The following STXBP5L variants were observed in gnomAD, a reference collection of about 807,000 sequenced individuals.
STXBP5L encodes the protein syntaxin binding protein 5L.
STXBP5L carries 65 observed loss-of-function variants against 144.5 expected under a neutral mutation model. The observed-to-expected ratio is 0.45, with a 90% CI of 0.37 to 0.55. The LOEUF is 0.55. STXBP5L is among the 20% of genes least tolerant of loss of function. The pLI is 0.00. For synonymous variants in STXBP5L, 505 were observed against 469.6 expected, an observed-to-expected ratio of 1.08 and a Z score of -0.97; for missense variants, 1,298 against 1,405.5, an observed-to-expected ratio of 0.92 and a Z score of 1.22.
chr3:120,963,565 G>T (rs1032326568), intron 3 of STXBP5L, among the ~76,000 whole-genome samples: 1 of 152,070 alleles, frequency 6.6e-6, no homozygotes, highest in Non-Finnish European at 1.5e-5. Context: ...TTTATTTGAT[G>T]GATTATGTTT....
chr3:121,071,414 C>T (rs9825058), intron 5 of STXBP5L, among the ~76,000 whole-genome samples: 15,046 of 152,198 alleles, frequency 0.099, 1,174 homozygotes, highest in Admixed American at 0.2. Flanking sequence ...CATGGACCGA[C>T]CAGCCTCTGG....
chr3:121,019,454 G>A (rs575438666), intron 3 of STXBP5L, among the ~76,000 whole-genome samples: 2 of 152,294 alleles, frequency 1.3e-5, no homozygotes, highest in East Asian at 1.9e-4. Flanking sequence ...ATGGCTGGAG[G>A]CCAACCAACA....
chr3:121,095,275 C>A (rs1309799955), intron 5 of STXBP5L, among the ~76,000 whole-genome samples: 1 of 152,134 alleles, frequency 6.6e-6, no homozygotes, highest in South Asian at 2.1e-4. Flanking sequence ...TGGAGTTGCT[C>A]TTCTCGAGGA....
Position 121,279,872 on chromosome 3 carries a change from A to G in STXBP5L, c.2026A>G (p.Met676Val). The change falls in exon 19 of 27, where the codon ATG (methionine) becomes GTG (valine). Residue 676 changes from methionine to valine, a missense_variant. By Grantham distance (21) the Met-to-Val change is conservative (BLOSUM62 1). Coordinates refer to ENST00000471454, the MANE Select transcript of STXBP5L (RefSeq NM_001308330.2). ...TATACAGAAGACAGTACTGTTAAGC[A>G]TGGGGACCATTGACCTATATAGATC... ...DFIQKTVLLSMGTIDLYRSSD... is the reference protein window; with the variant it reads ...DFIQKTVLLSVGTIDLYRSSD... 1 of 1,612,714 alleles carries G rather than the reference A, an allele frequency of 6.2e-7. No individual in the cohort carries two copies. Among genetic ancestry groups the G allele is most frequent in the Non-Finnish European group, 8.5e-7 (1 of 1,179,002 alleles).
chr3:121,028,224 G>T (rs1023654882), intron 3 of STXBP5L, among the ~76,000 whole-genome samples: 1 of 152,002 alleles, frequency 6.6e-6, no homozygotes, highest in Non-Finnish European at 1.5e-5. Context: ...GAAGTATTAA[G>T]TGGATTGTTT....
intron 3 of STXBP5L, among the ~76,000 whole-genome samples, chr3:120,956,013 A>G (rs1363015719): frequency 6.6e-6 from 1 of 151,954 alleles, no homozygotes; most frequent in Non-Finnish European, 1.5e-5. Flanking sequence ...CATGGTATAG[A>G]TGTACCACAG....
chr3:121,060,676 C>T (rs1012726382), intron 5 of STXBP5L, among the ~76,000 whole-genome samples: 1 of 152,126 alleles, frequency 6.6e-6, no homozygotes, highest in Non-Finnish European at 1.5e-5. Flanking sequence ...TTCAGGGATT[C>T]GACTTCTTCC....
chr3:121,180,154 A>AGATG (rs2047086586), intron 9 of STXBP5L, among the ~76,000 whole-genome samples: 1 of 152,206 alleles, frequency 6.6e-6, no homozygotes, highest in Admixed American at 6.5e-5. Context: ...TCCAAAGTCA[A>AGATG]GATGAAGGAA....
intron 20 of STXBP5L, among the ~76,000 whole-genome samples, chr3:121,344,972 T>G (rs936622730): frequency 6.6e-6 from 1 of 150,444 alleles, no homozygotes; most frequent in East Asian, 1.9e-4. Context: ...TATATATATA[T>G]ACACATTTTT....
intron 3 of STXBP5L, among the ~76,000 whole-genome samples, chr3:120,956,741 G>A (rs1938077084): frequency 6.6e-6 from 1 of 151,760 alleles, no homozygotes; most frequent in Admixed American, 6.6e-5. Flanking sequence ...ATTTTTTGAG[G>A]AACTGTCATT....
At position 121,419,153 on chromosome 3, in the gene STXBP5L, T is replaced by G; in HGVS notation, c.*56T>G. On this transcript the variant is annotated 3_prime_UTR_variant, in exon 27 of 27. Coordinates refer to ENST00000471454, the MANE Select transcript of STXBP5L (RefSeq NM_001308330.2). The stretch of plus-strand genomic sequence containing the variant: ...ACCATATTCAGGGAAACCAAATTTA[T>G]TCCCAGCATCACTACTCAACTGCTA... 1 of 1,546,416 alleles carries G rather than the reference T, an allele frequency of 6.5e-7. No individual in the cohort carries two copies. The highest frequency in any genetic ancestry group is 8.9e-7 in the Non-Finnish European group (1 of 1,129,126).
chr3:121,185,093 C>T (rs1014204197), intron 9 of STXBP5L, among the ~76,000 whole-genome samples: 3 of 152,142 alleles, frequency 2.0e-5, no homozygotes, highest in Non-Finnish European at 4.4e-5. Flanking sequence ...CACTCCTGGC[C>T]ACTGCAAAAA....
At chr3:121,372,035 A>G (rs2046045921) in intron 20 of STXBP5L, among the ~76,000 whole-genome samples, 1 of 152,208 alleles carries the variant, frequency 6.6e-6, no homozygotes, top group Non-Finnish European at 1.5e-5. Flanking sequence ...GGAGGTGGCT[A>G]CGGGTGAGTG....
intron 3 of STXBP5L, among the ~76,000 whole-genome samples, chr3:121,009,328 T>A (rs889052466): frequency 3.9e-5 from 6 of 151,958 alleles, no homozygotes; most frequent in African/African-American, 1.4e-4. Flanking sequence ...TCTCTAATCT[T>A]CCAATTTATT....
chr3:121,214,147 C>A (rs1478218310), intron 10 of STXBP5L, among the ~76,000 whole-genome samples: 1 of 152,002 alleles, frequency 6.6e-6, no homozygotes, highest in African/African-American at 2.4e-5. Flanking sequence ...TTAATCTTTT[C>A]AAAAACCCGC....
At chr3:121,245,198 T>C (rs1432020124) in intron 14 of STXBP5L, among the ~76,000 whole-genome samples, 4 of 151,318 alleles carry the variant, frequency 2.6e-5, no homozygotes, top group Non-Finnish European at 5.9e-5. Flanking sequence ...TGTAAAGGAG[T>C]AGATTTTTTG....
At chr3:121,280,761 AT>A (rs2051031797) in intron 19 of STXBP5L, among the ~76,000 whole-genome samples, 1 of 151,746 alleles carries the variant, frequency 6.6e-6, no homozygotes, top group South Asian at 2.1e-4. Flanking sequence ...ATTAAGTGTT[AT>A]TTTAGACAGT....
At chr3:121,413,905 A>G (rs1355853597) in intron 24 of STXBP5L, among the ~76,000 whole-genome samples, 1 of 152,112 alleles carries the variant, frequency 6.6e-6, no homozygotes, top group African/African-American at 2.4e-5. Context: ...ACTAAAACAT[A>G]TTTATTATAA....
In STXBP5L at chr3:121,252,863, T is replaced by G. The variant is rs189715941; in HGVS notation, c.1442-2032T>G. 4.1e-4 allele frequency among the ~76,000 whole-genome samples: 62 copies of G among 152,346 alleles called. 1 individual carries two copies. The highest frequency in any genetic ancestry group is 1.4e-3 in the African/African-American group (57 of 41,582). On this transcript the variant is annotated intron_variant, in intron 15 of 26. Coordinates refer to ENST00000471454, the MANE Select transcript of STXBP5L (RefSeq NM_001308330.2). ...GGTGTTGGCTGGGGCTGAGGTTTCATGAGACTGAAGGTTCTCTTCCAAGCT... is the reference window on the plus strand; with the variant it reads ...GGTGTTGGCTGGGGCTGAGGTTTCAGGAGACTGAAGGTTCTCTTCCAAGCT...
Sources: gnomAD v4.1 joint callset for allele counts (sites outside exome capture counted in the v4.1 genomes callset) on GRCh38, gnomAD v4.1.1 for gene constraint, MANE v1.5 for transcripts, NCBI Gene and HGNC (gene_info 2026-07-23, HGNC 2026-07-21) for gene names.